UNC80: variants seen among roughly 807,000 people sequenced by gnomAD.
The protein encoded by UNC80 is unc-80 subunit of NALCN channel complex, also known as protein unc-80 homolog.
UNC80 carries 164 observed loss-of-function variants against 384.6 expected under a neutral mutation model. That is an observed-to-expected ratio of 0.43 (90% CI 0.38 to 0.49). UNC80 has a LOEUF of 0.49. UNC80 is among the 20% of genes least tolerant of loss of function. The pLI is 0.00. For missense variants in UNC80, 3,330 were observed against 4,143.0 expected, an observed-to-expected ratio of 0.80 and a Z score of 5.39; for synonymous variants, 1,486 against 1,527.8, an observed-to-expected ratio of 0.97 and a Z score of 0.64.
intron 21 of UNC80, among the ~76,000 whole-genome samples, chr2:209,848,637 C>T (rs747267277): frequency 1.1e-4 from 16 of 152,052 alleles, no homozygotes; most frequent in Admixed American, 6.6e-4. Flanking sequence ...TACGTCAATA[C>T]GATTGAGTCA....
At chr2:209,856,747 GGTTT>G in intron 22 of UNC80, among the ~76,000 whole-genome samples, 1 of 150,322 alleles carries the variant, frequency 6.7e-6, no homozygotes, top group Non-Finnish European at 1.5e-5. Context: ...TCTGGGTTTT[GGTTT>G]TTTTGTTTAC....
At chr2:209,859,803 T>C (rs1354910274) in intron 22 of UNC80, among the ~76,000 whole-genome samples, 1 of 152,156 alleles carries the variant, frequency 6.6e-6, no homozygotes, top group Non-Finnish European at 1.5e-5. Context: ...CTTTTTTTCA[T>C]GTTTGTTGGC....
Position 209,966,844 on chromosome 2 carries a change from G to A in UNC80, c.7806-593G>A, listed in dbSNP as rs759616533. On this transcript the variant is annotated intron_variant, in intron 51 of 64. Coordinates refer to ENST00000673920, the MANE Select transcript of UNC80 (RefSeq NM_001371986.1). ...ATCTCAACAGAGAGAAAGGATCCATGTATAAGATAACAAGAGAGGAGGAGG... is the reference window on the plus strand; with the variant it reads ...ATCTCAACAGAGAGAAAGGATCCATATATAAGATAACAAGAGAGGAGGAGG... 7.9e-5 allele frequency among the ~76,000 whole-genome samples: 12 copies of A among 152,190 alleles called. No homozygotes were observed. The South Asian group carries it at 1.4e-3, about 18-fold the overall frequency.
At chr2:209,969,712 T>C in intron 52 of UNC80, 56 bp from the exon 53 acceptor site, 1 of 1,545,606 alleles carries the variant, frequency 6.5e-7, no homozygotes, top group Non-Finnish European at 8.7e-7. Context: ...CATTCACTTG[T>C]TTCAGACTCT....
chr2:209,909,430 T>C (rs2088650417), intron 29 of UNC80, among the ~76,000 whole-genome samples: 2 of 152,168 alleles, frequency 1.3e-5, no homozygotes, highest in Non-Finnish European at 1.5e-5. Context: ...AGGATGAACA[T>C]AGTCTTTCAT....
At chr2:209,812,377 G>A (rs1224539960) in intron 7 of UNC80, among the ~76,000 whole-genome samples, 1 of 151,944 alleles carries the variant, frequency 6.6e-6, no homozygotes, top group Non-Finnish European at 1.5e-5. Flanking sequence ...TTTTATTCTA[G>A]TTAATAGGTT....
In UNC80 at chr2:209,829,300, T is replaced by C. The variant is rs1416832443; in HGVS notation, c.2547T>C (p.Tyr849=). The change falls in exon 15 of 65, where the codon TAT becomes TAC. Residue 849 remains tyrosine, a synonymous_variant. Coordinates refer to ENST00000673920, the MANE Select transcript of UNC80 (RefSeq NM_001371986.1). ...AGTTCCGACAAACCATGAGGGACTATGTGAACAAGGACTCTCTCAATAATG... is the reference window on the plus strand; with the variant it reads ...AGTTCCGACAAACCATGAGGGACTACGTGAACAAGGACTCTCTCAATAATG... ...KMQFRQTMRD[Y]VNKDSLNNVV... 5 of 1,551,302 alleles carry C rather than the reference T, an allele frequency of 3.2e-6. No homozygotes were observed. The highest frequency in any genetic ancestry group is 4.4e-6 in the Non-Finnish European group (5 of 1,146,790).
intron 38 of UNC80, among the ~76,000 whole-genome samples, chr2:209,931,934 A>G (rs946114386): frequency 7.2e-5 from 11 of 152,236 alleles, no homozygotes; most frequent in Admixed American, 5.9e-4. Flanking sequence ...CATAGTCTCT[A>G]GGAATTCTCC....
At chr2:209,850,001 G>A (rs953408451) in intron 22 of UNC80, among the ~76,000 whole-genome samples, 1 of 151,934 alleles carries the variant, frequency 6.6e-6, no homozygotes, top group Non-Finnish European at 1.5e-5. Context: ...TGAAATACAG[G>A]AACTACACAA....
Position 209,992,224 on chromosome 2 carries a change from G to A in UNC80, c.9373G>A (p.Gly3125Arg). 3 of 1,551,566 alleles carry A rather than the reference G, an allele frequency of 1.9e-6. No homozygotes were observed. Among genetic ancestry groups the A allele is most frequent in the Non-Finnish European group, 2.6e-6 (3 of 1,146,914 alleles). ...GAACCTCCTTGTTCAGCAGCCGCTG[G>A]GGAGGAAGAGGGGCCTGAGGCAGGT... The part of the protein sequence containing the change: ...QQNLLVQQPL[G>R]RKRGLRQLRR... Residue 3125 changes from glycine (G) to arginine (R), a missense_variant, in exon 62 of 65, where the codon GGG (glycine) becomes AGG (arginine). Coordinates refer to ENST00000673920, the MANE Select transcript of UNC80 (RefSeq NM_001371986.1).
rs1489577940 is a variant in UNC80 at position 209,878,080 on chromosome 2, T to C, written c.3967T>C (p.Leu1323=). Residue 1323 remains leucine (L), a synonymous_variant, in exon 24 of 65, where the codon TTA becomes CTA. Transcript: ENST00000673920. ...LRKEDEEEDF[L]DDSTVNPSKC... ...AAAGGAGGATGAGGAGGAAGACTTT[T>C]TAGATGACAGTAAGGAGACTCCCTT... is the stretch of plus-strand genomic sequence containing the variant. 6.5e-7 allele frequency: 1 copy of C among 1,538,010 alleles called. No homozygotes were observed. The highest frequency in any genetic ancestry group is 2.5e-5 in the East Asian group (1 of 39,738).
At chr2:209,971,880 G>A (rs2092897935) in intron 54 of UNC80, among the ~76,000 whole-genome samples, 1 of 152,184 alleles carries the variant, frequency 6.6e-6, no homozygotes, top group Non-Finnish European at 1.5e-5. Context: ...CTCCTTTGTT[G>A]TTAAAATATT....
intron 62 of UNC80, 74 bp from the exon 63 acceptor site, chr2:209,993,241 A>G: frequency 8.7e-7 from 1 of 1,144,724 alleles, no homozygotes; most frequent in Non-Finnish European, 1.3e-6. Flanking sequence ...CCACAGAAAC[A>G]TATAAATAAA....
At chr2:209,803,384 A>G (rs1433164976) in intron 7 of UNC80, among the ~76,000 whole-genome samples, 1 of 152,224 alleles carries the variant, frequency 6.6e-6, no homozygotes, top group South Asian at 2.1e-4. Flanking sequence ...TTATTTGATG[A>G]CAACAAAGTT....
At chr2:209,910,086 T>G (rs2088741408) in intron 29 of UNC80, among the ~76,000 whole-genome samples, 1 of 151,372 alleles carries the variant, frequency 6.6e-6, no homozygotes, top group Non-Finnish European at 1.5e-5. Flanking sequence ...CAGGGAACTG[T>G]AGAGAAACTC....
At chr2:209,935,919 C>T in intron 40 of UNC80, 111 bp downstream of exon 40, 1 of 627,072 alleles carries the variant, frequency 1.6e-6, no homozygotes, top group Non-Finnish European at 2.7e-6. Flanking sequence ...TGGATGTATG[C>T]ATTTCTTTAC....
rs1405762622 is a variant in UNC80 at position 209,937,598 on chromosome 2, C to A, written c.6433C>A (p.Pro2145Thr). 3 of 1,551,820 alleles carry A rather than the reference C, an allele frequency of 1.9e-6. No homozygotes were observed. The highest frequency in any genetic ancestry group is 1.7e-6 in the Non-Finnish European group (2 of 1,146,796). The change falls in exon 42 of 65, where the codon CCA (proline) becomes ACA (threonine). Residue 2145 changes from proline (P) to threonine (T), a missense_variant. By Grantham distance (38) the Pro-to-Thr change is conservative. Coordinates refer to ENST00000673920, the MANE Select transcript of UNC80 (RefSeq NM_001371986.1). ...SPQLNLVHMH[P>T]EKGQELIQKQ... The stretch of plus-strand genomic sequence containing the variant: ...CCAGCTGAATCTTGTACATATGCAT[C>A]CAGAGAAGGGACAGGAGCTCATTCA...
chr2:209,834,586 G>T (rs896499759), intron 17 of UNC80, among the ~76,000 whole-genome samples: 2 of 152,110 alleles, frequency 1.3e-5, no homozygotes, highest in African/African-American at 4.8e-5. Context: ...ATAGCCTGTT[G>T]TTTTTCCTTC....
At chr2:209,817,581 G>A (rs923359792) in intron 10 of UNC80, among the ~76,000 whole-genome samples, 3 of 151,902 alleles carry the variant, frequency 2.0e-5, no homozygotes, top group Non-Finnish European at 4.4e-5. Context: ...CACAACAGAC[G>A]GTTTCTGACA....
Sources: gnomAD v4.1 joint callset for allele counts (sites outside exome capture counted in the v4.1 genomes callset) on GRCh38, gnomAD v4.1.1 for gene constraint, MANE v1.5 for transcripts, NCBI Gene and HGNC (gene_info 2026-07-23, HGNC 2026-07-21) for gene names.